TAFA1: variants seen among roughly 807,000 people sequenced by gnomAD.
The protein encoded by TAFA1 is TAFA chemokine like family member 1, also known as chemokine-like protein TAFA-1.
In TAFA1, 4 loss-of-function variants were observed where a neutral mutation model predicts 18.5. That is an observed-to-expected ratio of 0.22 (90% confidence interval 0.11 to 0.49). The LOEUF is 0.49. Ranked by LOEUF, TAFA1 falls within the 20% of genes least tolerant of loss-of-function variation. TAFA1 has a pLI of 0.98. For synonymous variants in TAFA1, 56 were observed against 55.2 expected, an observed-to-expected ratio of 1.01 and a Z score of -0.06; for missense variants, 147 against 169.0, an observed-to-expected ratio of 0.87 and a Z score of 0.72.
chr3:68,100,179 C>G (rs1048059217), intron 2 of TAFA1, among the ~76,000 whole-genome samples: 2 of 151,920 alleles, frequency 1.3e-5, no homozygotes, highest in African/African-American at 4.8e-5. Context: ...GCAAAAAAAC[C>G]CAAAAGCTAT....
chr3:68,259,846 A>G (rs9849427), intron 2 of TAFA1, among the ~76,000 whole-genome samples: 1,876 of 152,144 alleles, frequency 0.012, 38 homozygotes, highest in African/African-American at 0.043. Flanking sequence ...GGCTGAGACA[A>G]TGGGTTTTTC....
intron 2 of TAFA1, among the ~76,000 whole-genome samples, chr3:68,084,451 A>T (rs79646464): frequency 0.03 from 4,508 of 152,202 alleles, 229 homozygotes; most frequent in African/African-American, 0.1. Flanking sequence ...CTCTGCCAGG[A>T]TGCTTCCAAA....
At chr3:68,199,861 G>A (rs999832883) in intron 2 of TAFA1, among the ~76,000 whole-genome samples, 1 of 151,368 alleles carries the variant, frequency 6.6e-6, no homozygotes, top group Non-Finnish European at 1.5e-5. Context: ...CATTAGCTAG[G>A]ACTTCCAGTA....
chr3:68,283,299 A>G (rs1397280947), intron 2 of TAFA1, among the ~76,000 whole-genome samples: 1 of 152,194 alleles, frequency 6.6e-6, no homozygotes, highest in Non-Finnish European at 1.5e-5. Context: ...ATTCAGTCTT[A>G]TAGTCTGACT....
chr3:68,193,816 G>A (rs547661165), intron 2 of TAFA1, among the ~76,000 whole-genome samples: 19 of 151,596 alleles, frequency 1.3e-4, no homozygotes, highest in South Asian at 4.1e-4. Flanking sequence ...GGTTTCTGCC[G>A]CCCTAATACT....
intron 2 of TAFA1, among the ~76,000 whole-genome samples, chr3:68,280,873 C>T (rs66663812): frequency 0.28 from 41,941 of 151,972 alleles, 5,830 homozygotes; most frequent in East Asian, 0.3. Context: ...TTCTTCTCAA[C>T]TTTGTGTTCT....
At chr3:68,472,488 T>C (rs1367670726) in intron 3 of TAFA1, among the ~76,000 whole-genome samples, 1 of 149,550 alleles carries the variant, frequency 6.7e-6, no homozygotes. Flanking sequence ...TGTGACAAAG[T>C]TGTTTAGAAC....
chr3:68,196,518 A>G (rs953336914), intron 2 of TAFA1, among the ~76,000 whole-genome samples: 19 of 151,778 alleles, frequency 1.3e-4, no homozygotes, highest in Admixed American at 5.9e-4. Flanking sequence ...AAATTACTAT[A>G]AGGAAAAATA....
intron 2 of TAFA1, among the ~76,000 whole-genome samples, chr3:68,381,153 T>C (rs2069943024): frequency 7.2e-6 from 1 of 139,698 alleles, no homozygotes; most frequent in East Asian, 2.1e-4. Context: ...ACCAGTACCA[T>C]GCTGTTTTGG....
intron 2 of TAFA1, among the ~76,000 whole-genome samples, chr3:68,363,281 G>C (rs2069503829): frequency 6.6e-6 from 1 of 152,152 alleles, no homozygotes; most frequent in African/African-American, 2.4e-5. Context: ...CGGCACACAT[G>C]AAAATGAGAA....
At chr3:68,059,467 C>A (rs985192041) in intron 2 of TAFA1, among the ~76,000 whole-genome samples, 6 of 152,140 alleles carry the variant, frequency 3.9e-5, no homozygotes, top group African/African-American at 1.4e-4. Flanking sequence ...GCTGCACAGC[C>A]TATATTCTAC....
At chr3:68,388,534 A>T (rs2070155761) in intron 2 of TAFA1, among the ~76,000 whole-genome samples, 1 of 151,796 alleles carries the variant, frequency 6.6e-6, no homozygotes, top group African/African-American at 2.4e-5. Flanking sequence ...TTTTTGCTGT[A>T]TTCAGCTCAT....
intron 2 of TAFA1, among the ~76,000 whole-genome samples, chr3:68,325,623 C>T (rs1187809651): frequency 6.6e-6 from 1 of 152,174 alleles, no homozygotes. Flanking sequence ...ACTTAGGTCT[C>T]ATTTTCTATA....
chr3:68,050,135 A>G (rs997841321), intron 2 of TAFA1, among the ~76,000 whole-genome samples: 1 of 152,190 alleles, frequency 6.6e-6, no homozygotes, highest in African/African-American at 2.4e-5. Flanking sequence ...CAAGAATTCA[A>G]CTATAAATAG....
intron 2 of TAFA1, among the ~76,000 whole-genome samples, chr3:68,012,423 A>T (rs959193448): frequency 6.6e-5 from 10 of 152,226 alleles, no homozygotes; most frequent in African/African-American, 2.2e-4. Context: ...AAAAGGGATG[A>T]GAATATGTCT....
At chr3:68,427,578 G>A (rs1198658821) in intron 3 of TAFA1, among the ~76,000 whole-genome samples, 5 of 151,842 alleles carry the variant, frequency 3.3e-5, no homozygotes, top group Admixed American at 6.6e-5. Flanking sequence ...TTATACAGAT[G>A]AGTAATATTT....
chr3:68,002,504 T>G (rs1056890864), upstream of TAFA1, among the ~76,000 whole-genome samples: 5 of 152,250 alleles, frequency 3.3e-5, no homozygotes, highest in African/African-American at 1.2e-4. Flanking sequence ...TTAATTTTAA[T>G]TCATTAGCAT....
intron 2 of TAFA1, among the ~76,000 whole-genome samples, chr3:68,182,322 C>T (rs923241467): frequency 2.6e-5 from 4 of 152,156 alleles, no homozygotes; most frequent in African/African-American, 9.6e-5. Flanking sequence ...CTTTATTCAG[C>T]AAGCTTTGTA....
At chr3:68,170,728 C>T (rs1010598873) in intron 2 of TAFA1, among the ~76,000 whole-genome samples, 1 of 152,120 alleles carries the variant, frequency 6.6e-6, no homozygotes, top group Admixed American at 6.6e-5. Context: ...CATAAACACA[C>T]AGCCCCTCAA....
Sources: gnomAD v4.1 joint callset for allele counts (sites outside exome capture counted in the v4.1 genomes callset) on GRCh38, gnomAD v4.1.1 for gene constraint, MANE v1.5 for transcripts, NCBI Gene and HGNC (gene_info 2026-07-23, HGNC 2026-07-21) for gene names.